The following GRID1 variants were observed in gnomAD, a reference collection of about 807,000 sequenced individuals.
GRID1 encodes the protein glutamate receptor ionotropic, delta-1.
GRID1 carries 28 observed loss-of-function variants against 98.0 expected under a neutral mutation model. The observed-to-expected ratio is 0.29, with a 90% CI of 0.21 to 0.39. The LOEUF (loss-of-function observed/expected upper bound fraction) is 0.39. Ranked by LOEUF, GRID1 falls within the 10% of genes least tolerant of loss-of-function variation. The probability of loss-of-function intolerance (pLI) is 1.00; values close to 1 mark genes in which losing one functional copy is unlikely to be tolerated. For missense variants in GRID1, 1,111 were observed against 1,340.5 expected, an observed-to-expected ratio of 0.83 and a Z score of 2.67; for synonymous variants, 553 against 538.5, an observed-to-expected ratio of 1.03 and a Z score of -0.37.
At chr10:85,676,203 T>A (rs1590185662) in intron 12 of GRID1, among the ~76,000 whole-genome samples, 1 of 152,278 alleles carries the variant, frequency 6.6e-6, no homozygotes, top group African/African-American at 2.4e-5. Context: ...GTTCCTTCTG[T>A]GAGTGCCAGC....
chr10:86,056,815 G>A (rs941086044), intron 4 of GRID1, among the ~76,000 whole-genome samples: 2 of 152,188 alleles, frequency 1.3e-5, no homozygotes, highest in African/African-American at 4.8e-5. Flanking sequence ...AGCCTGGCAG[G>A]CCCTTCCAAG....
At chr10:85,695,991 A>G (rs1032305059) in intron 12 of GRID1, among the ~76,000 whole-genome samples, 14 of 152,132 alleles carry the variant, frequency 9.2e-5, no homozygotes, top group African/African-American at 2.9e-4. Context: ...AAGGGACTTT[A>G]TTTTATCCAC....
chr10:86,315,537 C>T (rs1370606987), intron 2 of GRID1, among the ~76,000 whole-genome samples: 1 of 152,142 alleles, frequency 6.6e-6, no homozygotes, highest in Non-Finnish European at 1.5e-5. Context: ...GCATATCTGG[C>T]CACAGTTTAA....
In GRID1 at chr10:85,877,985, G is replaced by C. The variant is rs531648875; in HGVS notation, c.781-8805C>G. 7.9e-5 allele frequency among the ~76,000 whole-genome samples: 12 copies of C among 152,318 alleles called. No homozygotes were observed. In the East Asian group the frequency reaches 2.3e-3, roughly 29 times the overall value. On this transcript the variant is annotated intron_variant, in intron 5 of 15. Transcript: ENST00000327946. The stretch of plus-strand genomic sequence containing the variant: ...CTACGTGAAGAATGCAGAAGCCTCA[G>C]GAGCCGATGCAATCGACTGGAAGAA...
intron 5 of GRID1, among the ~76,000 whole-genome samples, chr10:85,881,553 G>A (rs1340141442): frequency 1.3e-5 from 2 of 152,140 alleles, no homozygotes; most frequent in Non-Finnish European, 1.5e-5. Flanking sequence ...AATGGTGCTG[G>A]GAAAACTGGC....
At chr10:86,224,953 G>C (rs1441147634) in intron 2 of GRID1, among the ~76,000 whole-genome samples, 1 of 152,198 alleles carries the variant, frequency 6.6e-6, no homozygotes, top group Non-Finnish European at 1.5e-5. Context: ...TGGAATTTAG[G>C]AACCGTGTTG....
At chr10:86,205,860 A>ACCCAGTGTTCCCAG (rs1846018309) in intron 3 of GRID1, among the ~76,000 whole-genome samples, 2 of 151,702 alleles carry the variant, frequency 1.3e-5, no homozygotes, top group Non-Finnish European at 2.9e-5. Context: ...AGTGTTCCCA[A>ACCCAGTGTTCCCAG]CCCCCAACCC....
chr10:85,915,828 C>G (rs1281590740), intron 5 of GRID1, among the ~76,000 whole-genome samples: 1 of 152,168 alleles, frequency 6.6e-6, no homozygotes, highest in Non-Finnish European at 1.5e-5. Flanking sequence ...CTCTCCTACT[C>G]ATTCCTTTGC....
At chr10:86,190,464 G>T (rs1439067655) in intron 3 of GRID1, among the ~76,000 whole-genome samples, 1 of 152,210 alleles carries the variant, frequency 6.6e-6, no homozygotes, top group African/African-American at 2.4e-5. Context: ...GAGGGGCTGG[G>T]CAGTGCCCCA....
At chr10:85,633,249 C>A (rs1191869111) in intron 13 of GRID1, among the ~76,000 whole-genome samples, 2 of 152,098 alleles carry the variant, frequency 1.3e-5, no homozygotes, top group Non-Finnish European at 2.9e-5. Context: ...CACTTCTAAT[C>A]TTTACAATAA....
intron 12 of GRID1, among the ~76,000 whole-genome samples, chr10:85,659,732 C>T (rs1317391212): frequency 1.3e-5 from 2 of 152,208 alleles, no homozygotes; most frequent in East Asian, 3.9e-4. Context: ...AAGGTGTGCT[C>T]TATCATTGAT....
chr10:86,232,274 G>A (rs533053441), intron 2 of GRID1, among the ~76,000 whole-genome samples: 12 of 152,284 alleles, frequency 7.9e-5, no homozygotes, highest in Non-Finnish European at 1.3e-4. Flanking sequence ...CACTGTTCCC[G>A]CATGCTCTGG....
intron 3 of GRID1, among the ~76,000 whole-genome samples, chr10:86,173,980 T>G (rs1256365513): frequency 6.6e-6 from 1 of 152,204 alleles, no homozygotes; most frequent in Non-Finnish European, 1.5e-5. Context: ...CAATCATTGT[T>G]GGACTTCTGG....
At chr10:86,301,632 G>T (rs1188720957) in intron 2 of GRID1, among the ~76,000 whole-genome samples, 1 of 152,144 alleles carries the variant, frequency 6.6e-6, no homozygotes, top group Non-Finnish European at 1.5e-5. Flanking sequence ...GGGGAGCAGG[G>T]ACCCCCAAGG....
intron 8 of GRID1, among the ~76,000 whole-genome samples, chr10:85,805,618 T>C (rs1842616678): frequency 6.6e-6 from 1 of 151,938 alleles, no homozygotes; most frequent in Admixed American, 6.6e-5. Context: ...AGGTGTGGTA[T>C]TAGCTTAAAG....
chr10:85,940,692 C>T (rs1198380104), intron 4 of GRID1, among the ~76,000 whole-genome samples: 3 of 152,200 alleles, frequency 2.0e-5, no homozygotes, highest in Non-Finnish European at 4.4e-5. Context: ...GCAGGGAGAA[C>T]TTTGACTGCC....
At chr10:85,915,403 A>T (rs1431350591) in intron 5 of GRID1, among the ~76,000 whole-genome samples, 1 of 151,932 alleles carries the variant, frequency 6.6e-6, no homozygotes, top group Non-Finnish European at 1.5e-5. Flanking sequence ...TTGCACATGC[A>T]CACCCCTGTA....
At chr10:86,243,842 C>A (rs944535609) in intron 2 of GRID1, among the ~76,000 whole-genome samples, 1 of 152,182 alleles carries the variant, frequency 6.6e-6, no homozygotes. Flanking sequence ...ATGTCACGGC[C>A]GAGCAGGGGT....
chr10:85,786,979 G>C (rs931980789), intron 8 of GRID1, among the ~76,000 whole-genome samples: 1 of 152,210 alleles, frequency 6.6e-6, no homozygotes, highest in African/African-American at 2.4e-5. Flanking sequence ...TGGGGGCAGA[G>C]CCATGGCTGG....
Sources: allele counts gnomAD v4.1 joint callset (sites outside exome capture counted in the v4.1 genomes callset), GRCh38; gene constraint gnomAD v4.1.1; transcripts MANE v1.5; gene names NCBI Gene and HGNC (gene_info 2026-07-23, HGNC 2026-07-21).